Variants in ZFHX4 observed in about 807,000 individuals in gnomAD.
ZFHX4 encodes zinc finger homeobox protein 4.
In ZFHX4, 56 loss-of-function variants were observed where a neutral mutation model predicts 267.6. The observed-to-expected ratio is 0.21, with a 90% CI of 0.17 to 0.26. ZFHX4 has a LOEUF of 0.26. Among genes scored for constraint, ZFHX4 ranks in the 10% least tolerant of loss-of-function variants. The pLI is 1.00. For synonymous variants in ZFHX4, 1,778 were observed against 1,665.6 expected, an observed-to-expected ratio of 1.07 and a Z score of -1.64; for missense variants, 4,332 against 4,420.0, an observed-to-expected ratio of 0.98 and a Z score of 0.56.
At chr8:76,862,557 A>T (rs1165606328) in intron 10 of ZFHX4, among the ~76,000 whole-genome samples, 1 of 152,178 alleles carries the variant, frequency 6.6e-6, no homozygotes, top group Non-Finnish European at 1.5e-5. Context: ...TAATTAGCTT[A>T]TCACCTTCTT....
intron 4 of ZFHX4, among the ~76,000 whole-genome samples, chr8:76,830,095 A>T (rs975216788): frequency 2.6e-5 from 4 of 152,128 alleles, no homozygotes; most frequent in Non-Finnish European, 4.4e-5. Context: ...ATCACTTGCT[A>T]TGGGTGTCAT....
intron 5 of ZFHX4, among the ~76,000 whole-genome samples, chr8:76,835,522 G>A (rs1384686066): frequency 2.0e-5 from 3 of 151,698 alleles, no homozygotes; most frequent in Non-Finnish European, 4.4e-5. Flanking sequence ...AATTTTGCAA[G>A]TGAAAACATC....
At chr8:76,738,639 CTTCCTTCCTTCT>C (rs2131677469) in intron 3 of ZFHX4, among the ~76,000 whole-genome samples, 1 of 142,280 alleles carries the variant, frequency 7.0e-6, no homozygotes, top group East Asian at 2.1e-4. Flanking sequence ...TCCTTCCTTC[CTTCCTTCCTTCT>C]TTCCTTCCTC....
intron 3 of ZFHX4, among the ~76,000 whole-genome samples, chr8:76,768,711 T>C (rs951036840): frequency 6.6e-6 from 1 of 151,538 alleles, no homozygotes; most frequent in Non-Finnish European, 1.5e-5. Context: ...CAGAAGGAGA[T>C]AATTTGGGGT....
chr8:76,717,785 C>T (rs929230337), intron 3 of ZFHX4, among the ~76,000 whole-genome samples: 1 of 151,966 alleles, frequency 6.6e-6, no homozygotes, highest in African/African-American at 2.4e-5. Context: ...TTTTGAGAAA[C>T]GAGGTTTCGC....
chr8:76,760,734 C>T (rs1481156833), intron 3 of ZFHX4, among the ~76,000 whole-genome samples: 1 of 151,824 alleles, frequency 6.6e-6, no homozygotes, highest in Non-Finnish European at 1.5e-5. Flanking sequence ...TCCAGACCAG[C>T]CTGGGCAACA....
chr8:76,860,455 C>T (rs1274625939), intron 10 of ZFHX4, among the ~76,000 whole-genome samples: 1 of 152,064 alleles, frequency 6.6e-6, no homozygotes, highest in Non-Finnish European at 1.5e-5. Context: ...AACTATTGCT[C>T]CATCTTGCTT....
At chr8:76,819,275 C>T (rs1402138352) in intron 4 of ZFHX4, among the ~76,000 whole-genome samples, 1 of 150,918 alleles carries the variant, frequency 6.6e-6, no homozygotes, top group Non-Finnish European at 1.5e-5. Flanking sequence ...TTATGTTAGC[C>T]TATTAATGTC....
intron 3 of ZFHX4, among the ~76,000 whole-genome samples, chr8:76,737,958 G>A (rs1809209117): frequency 6.6e-6 from 1 of 152,146 alleles, no homozygotes; most frequent in Non-Finnish European, 1.5e-5. Context: ...AATCAGGACA[G>A]AGATCCCTCT....
At chr8:76,819,411 G>T (rs183159316) in intron 4 of ZFHX4, among the ~76,000 whole-genome samples, 3 of 152,220 alleles carry the variant, frequency 2.0e-5, no homozygotes, top group African/African-American at 7.2e-5. Context: ...TGGAACTTCC[G>T]TAATGGGACT....
chr8:76,732,961 A>T (rs1809061727), intron 3 of ZFHX4, among the ~76,000 whole-genome samples: 8 of 151,908 alleles, frequency 5.3e-5, no homozygotes. Flanking sequence ...TGCAGATGAG[A>T]GTTAAATATC....
In ZFHX4 at chr8:76,851,596, C is replaced by T. The variant is rs1392238190; in HGVS notation, c.4675C>T (p.His1559Tyr). ...CACCCAAAAGAACATTCTCTTGGTC[C>T]ACTATAATTCAGTTTCTCACTTGCA... ...SFTQKNILLVHYNSVSHLHKL... is the reference protein window; with the variant it reads ...SFTQKNILLVYYNSVSHLHKL... Residue 1559 changes from histidine to tyrosine, a missense_variant, in exon 10 of 11, where the codon CAC (histidine) becomes TAC (tyrosine). His to Tyr is a moderately conservative substitution (Grantham distance 83). Coordinates refer to ENST00000651372, the MANE Select transcript of ZFHX4 (RefSeq NM_024721.5). 6.2e-7 allele frequency: 1 copy of T among 1,613,796 alleles called. No homozygotes were observed. The highest frequency in any genetic ancestry group is 8.5e-7 in the Non-Finnish European group (1 of 1,179,840).
Position 76,705,656 on chromosome 8 carries a change from C to T in ZFHX4, c.1568C>T (p.Ser523Leu), listed in dbSNP as rs756555070. The change falls in exon 2 of 11, where the codon TCG becomes TTG. Residue 523 changes from serine (S) to leucine (L), a missense_variant. Around this residue, in one of 7 missense-constraint regions of ZFHX4, gnomAD observed 1,195 missense variants for 1,173.6 expected, o/e 1.02. Coordinates refer to ENST00000651372, the MANE Select transcript of ZFHX4 (RefSeq NM_024721.5). The part of the protein sequence containing the change: ...SVLKFIEKGT[S>L]SSSATVSDDT... Reference sequence around the variant, plus strand: ...CTAAAATTTATTGAAAAGGGTACCTCGTCCTCCTCGGCGACTGTTTCTGAT... The same window carrying T: ...CTAAAATTTATTGAAAAGGGTACCTTGTCCTCCTCGGCGACTGTTTCTGAT... 1.2e-6 allele frequency: 2 copies of T among 1,613,918 alleles called. No homozygotes were observed. Among genetic ancestry groups the T allele is most frequent in the South Asian group, 1.1e-5 (1 of 91,068 alleles).
chr8:76,745,996 A>C (rs1809449603), intron 3 of ZFHX4, among the ~76,000 whole-genome samples: 1 of 152,158 alleles, frequency 6.6e-6, no homozygotes, highest in Admixed American at 6.5e-5. Context: ...GATTACTTTT[A>C]TTTCTTTAGT....
chr8:76,847,369 T>C (rs572828530), intron 6 of ZFHX4, among the ~76,000 whole-genome samples: 77 of 152,278 alleles, frequency 5.1e-4, no homozygotes, highest in Non-Finnish European at 1.0e-3. Context: ...CCAGTCTTTC[T>C]TGGATTTAAG....
At chr8:76,856,988 GC>G (rs1008482498) in intron 10 of ZFHX4, among the ~76,000 whole-genome samples, 49 of 152,210 alleles carry the variant, frequency 3.2e-4, no homozygotes, top group African/African-American at 1.1e-3. Context: ...ATTACTTCAT[GC>G]CTTTATTCCC....
chr8:76,791,810 AT>A (rs1276849679), intron 4 of ZFHX4, among the ~76,000 whole-genome samples: 1 of 152,156 alleles, frequency 6.6e-6, no homozygotes, highest in Non-Finnish European at 1.5e-5. Flanking sequence ...TCACATGAAT[AT>A]TGAAAATGTG....
intron 3 of ZFHX4, among the ~76,000 whole-genome samples, chr8:76,763,986 A>T (rs1270569880): frequency 6.6e-6 from 1 of 152,170 alleles, no homozygotes; most frequent in Non-Finnish European, 1.5e-5. Context: ...CATAATCTTT[A>T]TCATTTATTT....
chr8:76,850,978 G>C lies in ZFHX4; in HGVS notation c.4057G>C (p.Glu1353Gln), dbSNP rs1277063132. 1 of 1,613,694 alleles carries C rather than the reference G, an allele frequency of 6.2e-7. No homozygotes were observed. The highest frequency in any genetic ancestry group is 1.1e-5 in the South Asian group (1 of 91,056). The part of the protein sequence containing the change: ...VKNEEQKPTK[E>Q]PLEVSEWNKN... ...GAATGAGGAGCAGAAACCGACTAAAGAACCCTTGGAAGTCTCAGAATGGAA... is the reference window on the plus strand; with the variant it reads ...GAATGAGGAGCAGAAACCGACTAAACAACCCTTGGAAGTCTCAGAATGGAA... Residue 1353 changes from glutamate to glutamine, a missense_variant, in exon 10 of 11, where the codon GAA becomes CAA. Coordinates refer to ENST00000651372, the MANE Select transcript of ZFHX4 (RefSeq NM_024721.5).
Sources: gnomAD v4.1 joint callset for allele counts (sites outside exome capture counted in the v4.1 genomes callset) on GRCh38, gnomAD v4.1.1 for gene constraint, gnomAD v4.1.1 regional missense constraint, MANE v1.5 for transcripts, NCBI Gene and HGNC (gene_info 2026-07-23, HGNC 2026-07-21) for gene names.